Variants in ZDHHC21 observed in about 807,000 individuals in gnomAD.
The protein encoded by ZDHHC21 is zDHHC palmitoyltransferase 21.
A neutral mutation model predicts 34.6 loss-of-function variants in ZDHHC21; 15 were observed. That is an observed-to-expected ratio of 0.43 (90% CI 0.29 to 0.67). The LOEUF (loss-of-function observed/expected upper bound fraction) is 0.67. Among genes scored for constraint, ZDHHC21 ranks in the 30% least tolerant of loss-of-function variants. The pLI is 0.14. For synonymous variants in ZDHHC21, 142 were observed against 101.8 expected, an observed-to-expected ratio of 1.40 and a Z score of -2.38; for missense variants, 344 against 327.7, an observed-to-expected ratio of 1.05 and a Z score of -0.38.
chr9:14,653,693 C>A (rs1831660237), intron 7 of ZDHHC21, among the ~76,000 whole-genome samples: 1 of 152,014 alleles, frequency 6.6e-6, no homozygotes, highest in African/African-American at 2.4e-5. Flanking sequence ...AAGTTTTGCA[C>A]TGCACAACTC....
chr9:14,590,826 T>C, the ZDHHC21 span, among the ~76,000 whole-genome samples: 2 of 152,150 alleles, frequency 1.3e-5, no homozygotes, highest in African/African-American at 4.8e-5. Context: ...CCAGAAATGA[T>C]AAACATATGG....
chr9:14,630,399 T>C (rs1827126857), intron 8 of ZDHHC21, among the ~76,000 whole-genome samples: 1 of 152,182 alleles, frequency 6.6e-6, no homozygotes, highest in Non-Finnish European at 1.5e-5. Context: ...CCACTTCTTA[T>C]TTCTCTTGTT....
At chr9:14,680,661 T>C (rs963788437) in intron 2 of ZDHHC21, among the ~76,000 whole-genome samples, 2 of 152,202 alleles carry the variant, frequency 1.3e-5, no homozygotes, top group African/African-American at 2.4e-5. Flanking sequence ...TAAAGTACTG[T>C]ATATAACATA....
At position 14,662,312 on chromosome 9, in the gene ZDHHC21, C is replaced by T; in HGVS notation, c.268G>A (p.Glu90Lys). ...ATCAAATTACACTTGTTACATAATT[C>T]CCAGAACTCCCTTTCTAAAGAAAAG... The part of the protein sequence containing the change: ...KIPHGEREFW[E>K]LCNKCNLMRP... The change falls in exon 6 of 10, where the codon GAA becomes AAA. Residue 90 changes from glutamate to lysine, a missense_variant. By Grantham distance (56) the Glu-to-Lys change is moderately conservative (BLOSUM62 1). Transcript: ENST00000380916. 4 of 1,606,536 alleles carry T rather than the reference C, an allele frequency of 2.5e-6. No individual in the cohort carries two copies. Among genetic ancestry groups the T allele is most frequent in the Non-Finnish European group, 3.4e-6 (4 of 1,177,452 alleles).
In ZDHHC21 at chr9:14,680,097, G is replaced by C. The variant is rs749933077; in HGVS notation, c.-110C>G. 1 of 152,324 alleles carries C rather than the reference G, an allele frequency of 6.6e-6. No individual in the cohort carries two copies. The highest frequency in any genetic ancestry group is 1.5e-5 in the Non-Finnish European group (1 of 67,934). 9.4% of individuals were successfully genotyped at this position (152,324 alleles called of 1,614,324 possible). A position where few individuals can be genotyped will look rare whatever the true frequency, so the allele number is the denominator to read the frequency against. ...AATCTGCATTTAGAGATTTTCTTTTGATTCATTTTTTTTAATTATATCCCA... is the reference window on the plus strand; with the variant it reads ...AATCTGCATTTAGAGATTTTCTTTTCATTCATTTTTTTTAATTATATCCCA... On this transcript the variant is annotated 5_prime_UTR_variant, in exon 3 of 10. It adds an upstream start codon to the 5' untranslated region. Transcript: ENST00000380916.
downstream of ZDHHC21, among the ~76,000 whole-genome samples, chr9:14,610,825 A>C (rs1174866079): frequency 2.0e-5 from 3 of 152,072 alleles, no homozygotes; most frequent in Non-Finnish European, 4.4e-5. Flanking sequence ...GTCATCTCTA[A>C]GATAAACATG....
intron 2 of ZDHHC21, among the ~76,000 whole-genome samples, chr9:14,682,265 G>C (rs1837518253): frequency 6.6e-6 from 1 of 152,098 alleles, no homozygotes; most frequent in African/African-American, 2.4e-5. Context: ...AAAGAGTCAA[G>C]ACCCATCAGT....
At chr9:14,659,733 A>G (rs1262239721) in intron 6 of ZDHHC21, among the ~76,000 whole-genome samples, 6 of 152,178 alleles carry the variant, frequency 3.9e-5, no homozygotes, top group African/African-American at 1.4e-4. Flanking sequence ...TCATTAAACC[A>G]TTTTTTAAAG....
downstream of ZDHHC21, among the ~76,000 whole-genome samples, chr9:14,607,072 T>A (rs1823034918): frequency 8.1e-6 from 1 of 122,942 alleles, no homozygotes; most frequent in Non-Finnish European, 1.6e-5. Flanking sequence ...CATAGCACTG[T>A]TACTAATAGC....
chr9:14,600,913 T>C, the ZDHHC21 span, among the ~76,000 whole-genome samples: 3 of 152,196 alleles, frequency 2.0e-5, no homozygotes, highest in East Asian at 3.8e-4. Context: ...GGATTCCCTT[T>C]TTAATAAATG....
At chr9:14,642,576 C>T (rs780595630) in intron 7 of ZDHHC21, among the ~76,000 whole-genome samples, 3 of 152,138 alleles carry the variant, frequency 2.0e-5, no homozygotes, top group Non-Finnish European at 2.9e-5. Context: ...AGGGTGGGCA[C>T]TAATCCAATC....
At chr9:14,637,335 C>T (rs1187552991) in intron 8 of ZDHHC21, among the ~76,000 whole-genome samples, 2 of 151,930 alleles carry the variant, frequency 1.3e-5, no homozygotes, top group Admixed American at 1.3e-4. Context: ...AAACCTACCA[C>T]AACTGAATTG....
chr9:14,680,904 T>C (rs894557087), intron 2 of ZDHHC21, among the ~76,000 whole-genome samples: 9 of 152,154 alleles, frequency 5.9e-5, no homozygotes, highest in African/African-American at 1.7e-4. Flanking sequence ...GTATTTCTTA[T>C]GGTAAATAGC....
intron 1 of ZDHHC21, among the ~76,000 whole-genome samples, chr9:14,692,884 C>T (rs1839364016): frequency 6.6e-6 from 1 of 150,824 alleles, no homozygotes; most frequent in Non-Finnish European, 1.5e-5. Context: ...GCGAGAAACT[C>T]AGGATACAGA....
the ZDHHC21 span, among the ~76,000 whole-genome samples, chr9:14,605,417 T>C: frequency 2.0e-5 from 3 of 152,160 alleles, no homozygotes; most frequent in African/African-American, 7.2e-5. Context: ...CTCGTTGTAA[T>C]TTTGCATCTC....
chr9:14,629,269 C>A (rs1826881101), intron 8 of ZDHHC21, among the ~76,000 whole-genome samples: 1 of 152,102 alleles, frequency 6.6e-6, no homozygotes, highest in Admixed American at 6.5e-5. Flanking sequence ...AATGTGGTTT[C>A]CACTCGGTTT....
intron 7 of ZDHHC21, among the ~76,000 whole-genome samples, chr9:14,653,895 C>T (rs117605584): frequency 1.3e-5 from 2 of 151,802 alleles, no homozygotes; most frequent in Non-Finnish European, 2.9e-5. Flanking sequence ...CAGATAAAAT[C>T]CAATTAATTA....
chr9:14,649,407 A>G (rs1337818424), intron 7 of ZDHHC21, among the ~76,000 whole-genome samples: 4 of 152,108 alleles, frequency 2.6e-5, no homozygotes, highest in Admixed American at 1.3e-4. Context: ...ACATTAAAAT[A>G]AGCAATCTTA....
chr9:14,646,749 CT>C (rs1053268753), intron 7 of ZDHHC21, among the ~76,000 whole-genome samples: 2 of 152,146 alleles, frequency 1.3e-5, no homozygotes, highest in Non-Finnish European at 2.9e-5. Context: ...TATCAGAGAC[CT>C]TTTCCTTGAC....
Sources: gnomAD v4.1 joint callset for allele counts (sites outside exome capture counted in the v4.1 genomes callset) on GRCh38, gnomAD v4.1.1 for gene constraint, MANE v1.5 for transcripts, NCBI Gene and HGNC (gene_info 2026-07-23, HGNC 2026-07-21) for gene names.